C2CD5: variants seen among roughly 807,000 people sequenced by gnomAD.
The protein encoded by C2CD5 is C2 calcium dependent domain containing 5, also known as C2 domain-containing protein 5.
C2CD5 carries 109 observed loss-of-function variants against 130.3 expected under a neutral mutation model. The ratio of observed to expected loss-of-function variants is 0.84; its 90% CI spans 0.72 to 0.98. The LOEUF is 0.98. Among genes scored for constraint, C2CD5 ranks in the 50% least tolerant of loss-of-function variants. The probability of loss-of-function intolerance (pLI) is 0.00; values close to 1 mark genes in which losing one functional copy is unlikely to be tolerated. For synonymous variants in C2CD5, 454 were observed against 429.2 expected (o/e 1.06, Z -0.71); for missense variants, 996 against 1,261.8 (o/e 0.79, Z 3.19).
At chr12:22,531,326 T>C (rs942306096) in intron 3 of C2CD5, among the ~76,000 whole-genome samples, 1 of 152,178 alleles carries the variant, frequency 6.6e-6, no homozygotes, top group Non-Finnish European at 1.5e-5. Flanking sequence ...TATTTCACCA[T>C]GAAAATATCA....
intron 12 of C2CD5, 75 bp from the exon 13 acceptor site, chr12:22,484,963 T>TA (rs1278605565): frequency 3.1e-6 from 2 of 643,950 alleles, no homozygotes; most frequent in African/African-American, 3.8e-5. Flanking sequence ...ATGTAACTGA[T>TA]ATTACATACA....
At position 22,520,482 on chromosome 12, in the gene C2CD5, C is replaced by T. The variant is rs563798147; in HGVS notation, c.801-2345G>A. On this transcript the variant is annotated intron_variant, in intron 7 of 26. Coordinates refer to ENST00000446597, the MANE Select transcript of C2CD5 (RefSeq NM_001286176.2). ...TTTTGCAATAGGAGAACTGTTTCTA[C>T]GTTTGTTGCTAATAGAAATTAAAAG... Among the ~76,000 whole-genome samples, 6 of 152,152 alleles carry T rather than the reference C, an allele frequency of 3.9e-5. No homozygotes were observed. In the East Asian group the frequency reaches 7.7e-4, roughly 20 times the overall value.
intron 23 of C2CD5, 114 bp from the exon 24 acceptor site, chr12:22,458,699 A>G: frequency 2.4e-6 from 1 of 408,660 alleles, no homozygotes; most frequent in Non-Finnish European, 4.2e-6. Flanking sequence ...ACTCAGAAAA[A>G]GAATGGTCCT....
intron 15 of C2CD5, among the ~76,000 whole-genome samples, chr12:22,477,649 G>C (rs1285325843): frequency 6.6e-6 from 1 of 151,898 alleles, no homozygotes; most frequent in African/African-American, 2.4e-5. Flanking sequence ...AAAACAAATA[G>C]TTTCATTCTA....
At chr12:22,511,918 G>A (rs1949240620) in intron 9 of C2CD5, among the ~76,000 whole-genome samples, 1 of 152,094 alleles carries the variant, frequency 6.6e-6, no homozygotes, top group Non-Finnish European at 1.5e-5. Context: ...ATGGGACAGG[G>A]AAAAAGAGCA....
At chr12:22,527,682 T>G in intron 4 of C2CD5, 39 bp downstream of exon 4, 1 of 1,148,714 alleles carries the variant, frequency 8.7e-7, no homozygotes, top group Non-Finnish European at 1.2e-6. Flanking sequence ...TAAAAAAGAT[T>G]AAGATTGTTA....
At chr12:22,498,671 AAACTT>A (rs1565733884) in intron 10 of C2CD5, among the ~76,000 whole-genome samples, 1 of 152,218 alleles carries the variant, frequency 6.6e-6, no homozygotes, top group Non-Finnish European at 1.5e-5. Context: ...TGATTGAGAA[AAACTT>A]AAGTATAATA....
chr12:22,540,065 G>A (rs1033985831), intron 2 of C2CD5, among the ~76,000 whole-genome samples: 1 of 151,450 alleles, frequency 6.6e-6, no homozygotes, highest in African/African-American at 2.4e-5. Flanking sequence ...TATTACAATC[G>A]GGTTTCAATG....
chr12:22,453,277 G>A (rs2135953344), intron 26 of C2CD5, among the ~76,000 whole-genome samples: 1 of 152,202 alleles, frequency 6.6e-6, no homozygotes, highest in African/African-American at 2.4e-5. Context: ...TGTACCAGTG[G>A]ACCACAGAAA....
At chr12:22,488,023 A>G (rs537291125) in intron 12 of C2CD5, among the ~76,000 whole-genome samples, 17 of 135,132 alleles carry the variant, frequency 1.3e-4, no homozygotes, top group African/African-American at 4.1e-4. Context: ...GAAGGGGAAC[A>G]TCACACATCA....
At chr12:22,466,150 A>T (rs1368637893) in intron 22 of C2CD5, among the ~76,000 whole-genome samples, 5 of 152,108 alleles carry the variant, frequency 3.3e-5, no homozygotes, top group African/African-American at 1.2e-4. Flanking sequence ...AGGTTTATCT[A>T]CAAGTAAAAA....
intron 14 of C2CD5, among the ~76,000 whole-genome samples, chr12:22,482,325 C>T (rs1255227246): frequency 1.3e-5 from 2 of 152,022 alleles, no homozygotes; most frequent in African/African-American, 2.4e-5. Flanking sequence ...ATTAAGCAAG[C>T]GACAAATGAT....
At chr12:22,476,792 A>G (rs1005875289) in intron 15 of C2CD5, among the ~76,000 whole-genome samples, 1 of 152,158 alleles carries the variant, frequency 6.6e-6, no homozygotes, top group African/African-American at 2.4e-5. Context: ...TTAAGTAAGT[A>G]AAAAAGTTCA....
intron 2 of C2CD5, among the ~76,000 whole-genome samples, chr12:22,538,202 T>G (rs1952004675): frequency 6.6e-6 from 1 of 152,218 alleles, no homozygotes; most frequent in South Asian, 2.1e-4. Flanking sequence ...TTTAGTCATC[T>G]TTTTTTGCAT....
intron 4 of C2CD5, 67 bp downstream of exon 4, chr12:22,527,654 A>G: frequency 1.8e-5 from 17 of 968,056 alleles, no homozygotes; most frequent in Non-Finnish European, 2.5e-5. Context: ...ATATAGCACA[A>G]ATGTCTTTAA....
chr12:22,471,001 T>C (rs1386830510), intron 20 of C2CD5, 90 bp from the exon 21 acceptor site: 2 of 760,806 alleles, frequency 2.6e-6, no homozygotes, highest in Non-Finnish European at 4.4e-6. Flanking sequence ...CGGAACAACC[T>C]ACACCAAATA....
At chr12:22,511,503 G>A (rs986318932) in intron 9 of C2CD5, among the ~76,000 whole-genome samples, 9 of 152,148 alleles carry the variant, frequency 5.9e-5, no homozygotes, top group Admixed American at 2.6e-4. Flanking sequence ...GAGGACAGGC[G>A]ATATAGATGT....
rs186530241 is a variant in C2CD5 at position 22,460,043 on chromosome 12, G to A, written c.2534-501C>T. 5.3e-4 allele frequency among the ~76,000 whole-genome samples: 81 copies of A among 152,218 alleles called. 1 individual carries two copies. Among genetic ancestry groups the A allele is most frequent in the African/African-American group, 1.8e-3 (75 of 41,534 alleles). ...ACTCTCACCACCAACTTCTTCATTC[G>A]AAGACTTCGATATCAACAGCTCCCT... On this transcript the variant is annotated intron_variant, in intron 22 of 26. Coordinates refer to ENST00000446597, the MANE Select transcript of C2CD5 (RefSeq NM_001286176.2).
chr12:22,518,258 G>A (rs1003631503), intron 7 of C2CD5, 121 bp from the exon 8 acceptor site: 6 of 910,848 alleles, frequency 6.6e-6, no homozygotes, highest in Non-Finnish European at 1.1e-5. Flanking sequence ...CTTACGTGTG[G>A]AGCTGGGAAT....
Sources: gnomAD v4.1 joint callset for allele counts (sites outside exome capture counted in the v4.1 genomes callset) on GRCh38, gnomAD v4.1.1 for gene constraint, MANE v1.5 for transcripts, NCBI Gene and HGNC (gene_info 2026-07-23, HGNC 2026-07-21) for gene names.